Variants in ARMH3 observed in about 807,000 individuals in gnomAD.
ARMH3 encodes armadillo like helical domain containing 3.
ARMH3 carries 60 observed loss-of-function variants against 99.1 expected under a neutral mutation model. The observed-to-expected ratio is 0.61, with a 90% CI of 0.49 to 0.75. The LOEUF (loss-of-function observed/expected upper bound fraction) is 0.75, where lower values mean the gene tolerates loss of function less well. Ranked by LOEUF, ARMH3 falls within the 30% of genes least tolerant of loss-of-function variation. The pLI is 0.00. For missense variants in ARMH3, 679 were observed against 843.1 expected (o/e 0.81, Z 2.41); for synonymous variants, 285 against 292.8 (o/e 0.97, Z 0.27).
intron 23 of ARMH3, among the ~76,000 whole-genome samples, chr10:101,911,933 T>A (rs960020336): frequency 6.6e-6 from 1 of 151,964 alleles, no homozygotes; most frequent in African/African-American, 2.4e-5. Context: ...CTCAGGAGGC[T>A]GAAGCAGGAG....
In ARMH3 at chr10:101,975,226, C is replaced by G; in HGVS notation, c.1481G>C (p.Arg494Pro). 6.2e-7 allele frequency: 1 copy of G among 1,611,822 alleles called. No homozygotes were observed. Among genetic ancestry groups the G allele is most frequent in the South Asian group, 1.1e-5 (1 of 90,996 alleles). Reference protein sequence around the residue: ...KCRVRLHYTWRELWSALINLL... With the variant: ...KCRVRLHYTWPELWSALINLL... ...GAGAAAGTTACCTGACCAGAGCTCC[C>G]GCCAGGTGTAATGCAGGCGTACCCG... Residue 494 changes from arginine (R) to proline (P), a missense_variant, in exon 20 of 26, where the codon CGG becomes CCG. Arg to Pro is a moderately radical substitution (Grantham distance 103, BLOSUM62 -2). Transcript: ENST00000370033.
At chr10:101,883,066 A>G (rs770505655) in intron 24 of ARMH3, among the ~76,000 whole-genome samples, 13 of 152,178 alleles carry the variant, frequency 8.5e-5, no homozygotes, top group Non-Finnish European at 1.5e-4. Context: ...ACGTACGTGG[A>G]TGCATTTCTA....
intron 20 of ARMH3, among the ~76,000 whole-genome samples, chr10:101,966,079 T>C (rs1285210388): frequency 6.6e-6 from 1 of 151,282 alleles, no homozygotes; most frequent in East Asian, 1.9e-4. Flanking sequence ...GCAGACAATC[T>C]AATTTTTTTT....
intron 8 of ARMH3, among the ~76,000 whole-genome samples, chr10:102,018,563 G>A (rs932369313): frequency 6.6e-6 from 1 of 152,120 alleles, no homozygotes; most frequent in African/African-American, 2.4e-5. Context: ...TGACATTTTA[G>A]CCATTATAAC....
intron 16 of ARMH3, among the ~76,000 whole-genome samples, chr10:101,995,084 A>G (rs1433716760): frequency 6.6e-6 from 1 of 152,238 alleles, no homozygotes; most frequent in Non-Finnish European, 1.5e-5. Context: ...ACACAGTGCT[A>G]AACAGCGTGG....
chr10:101,855,700 T>A lies in ARMH3; in HGVS notation c.1861-5808A>T, dbSNP rs553495474. On this transcript the variant is annotated intron_variant, in intron 24 of 25. Transcript: ENST00000370033. Reference sequence around the variant, plus strand: ...TGCTGGAATCACAGGTGTGAAAAAATATATATATATATTTTATATATATTT... The same window carrying A: ...TGCTGGAATCACAGGTGTGAAAAAAAATATATATATATTTTATATATATTT... Among the ~76,000 whole-genome samples the A allele has an allele frequency of 9.2e-4, 135 of 146,620 alleles. 1 individual carries two copies. The highest frequency in any genetic ancestry group is 7.4e-3 in the South Asian group (35 of 4,738).
Position 102,033,140 on chromosome 10 carries a change from T to C in ARMH3, c.192A>G (p.Glu64=). 3.1e-6 allele frequency: 5 copies of C among 1,614,190 alleles called. No individual in the cohort carries two copies. Among genetic ancestry groups the C allele is most frequent in the Non-Finnish European group, 4.2e-6 (5 of 1,180,040 alleles). Residue 64 remains glutamate, a synonymous_variant, in exon 4 of 26, where the codon GAA becomes GAG. Coordinates refer to ENST00000370033, the MANE Select transcript of ARMH3 (RefSeq NM_024541.3). ...VNLEYLEGKL[E]SLDGEELMKI... ...TCATTAACTCCTCACCATCAAGAGATTCCAGCTTGCCTTCTAGGTACTCTA... is the reference window on the plus strand; with the variant it reads ...TCATTAACTCCTCACCATCAAGAGACTCCAGCTTGCCTTCTAGGTACTCTA...
chr10:101,991,030 A>T (rs1005691673), intron 18 of ARMH3, among the ~76,000 whole-genome samples: 2 of 152,250 alleles, frequency 1.3e-5, no homozygotes, highest in African/African-American at 4.8e-5. Context: ...TATGTCAGTC[A>T]ATCTCATCTT....
intron 21 of ARMH3, 70 bp downstream of exon 21, chr10:101,957,580 T>A: frequency 6.6e-7 from 1 of 1,505,220 alleles, no homozygotes; most frequent in Non-Finnish European, 8.9e-7. Flanking sequence ...CACCAGCTCC[T>A]GTTTCAAACC....
At chr10:102,026,001 G>A (rs1347764597) in intron 5 of ARMH3, among the ~76,000 whole-genome samples, 1 of 152,072 alleles carries the variant, frequency 6.6e-6, no homozygotes, top group Non-Finnish European at 1.5e-5. Context: ...CTGAATAAAT[G>A]AAAAAGAAAC....
intron 14 of ARMH3, among the ~76,000 whole-genome samples, chr10:102,004,410 G>A (rs1729412618): frequency 1.3e-5 from 2 of 152,116 alleles, no homozygotes; most frequent in South Asian, 2.1e-4. Context: ...CTTGATCTTT[G>A]GCTTCATAAT....
intron 22 of ARMH3, among the ~76,000 whole-genome samples, chr10:101,955,319 G>A (rs139700091): frequency 8.5e-4 from 129 of 152,292 alleles, no homozygotes; most frequent in African/African-American, 3.0e-3. Flanking sequence ...ACATTGTTGA[G>A]CAACTGATCA....
chr10:102,043,460 A>G (rs752235615), intron 1 of ARMH3, among the ~76,000 whole-genome samples: 1 of 152,246 alleles, frequency 6.6e-6, no homozygotes, highest in Non-Finnish European at 1.5e-5. Context: ...GAAACTCCAG[A>G]CTTGATTCTC....
chr10:102,033,478 C>T (rs558765232), intron 2 of ARMH3, 139 bp from the exon 3 acceptor site: 62 of 928,296 alleles, frequency 6.7e-5, no homozygotes, highest in Middle Eastern at 2.5e-4. Context: ...AGTACAGTGG[C>T]GTGATCTCGG....
At chr10:102,042,878 G>T (rs2067457042) in intron 1 of ARMH3, among the ~76,000 whole-genome samples, 1 of 152,232 alleles carries the variant, frequency 6.6e-6, no homozygotes, top group Admixed American at 6.5e-5. Context: ...TTCGAGATCA[G>T]CCTGACCAAC....
intron 1 of ARMH3, among the ~76,000 whole-genome samples, chr10:102,041,222 G>C (rs11191191): frequency 1.3e-5 from 2 of 150,484 alleles, no homozygotes; most frequent in South Asian, 4.2e-4. Flanking sequence ...CGGAATTCTC[G>C]ATTTTTTTTT....
chr10:101,992,876 ACAAATCTG>A (rs1846866151), intron 17 of ARMH3, among the ~76,000 whole-genome samples: 1 of 152,180 alleles, frequency 6.6e-6, no homozygotes, highest in Non-Finnish European at 1.5e-5. Context: ...TCTCAGATGA[ACAAATCTG>A]AGCAGCAGCT....
At chr10:101,904,294 T>A (rs2068049550) in intron 23 of ARMH3, among the ~76,000 whole-genome samples, 2 of 152,002 alleles carry the variant, frequency 1.3e-5, no homozygotes, top group Non-Finnish European at 2.9e-5. Context: ...CAGTAAGGCG[T>A]CCAAACACCT....
intron 6 of ARMH3, among the ~76,000 whole-genome samples, 153 bp from the exon 7 acceptor site, chr10:102,023,902 G>A (rs2136170015): frequency 6.6e-6 from 1 of 151,534 alleles, no homozygotes; most frequent in South Asian, 2.1e-4. Flanking sequence ...TAAGTCATGA[G>A]AGTCTGAATA....
Sources: allele counts gnomAD v4.1 joint callset (sites outside exome capture counted in the v4.1 genomes callset), GRCh38; gene constraint gnomAD v4.1.1; transcripts MANE v1.5; gene names NCBI Gene and HGNC (gene_info 2026-07-23, HGNC 2026-07-21).